LMX1A: variants seen among roughly 807,000 people sequenced by gnomAD.
LMX1A encodes LIM homeobox transcription factor 1-alpha.
In LMX1A, 15 loss-of-function variants were observed where a neutral mutation model predicts 49.1. The observed-to-expected ratio is 0.31, with a 90% CI of 0.20 to 0.47. The LOEUF (loss-of-function observed/expected upper bound fraction) is 0.47. LMX1A is among the 20% of genes least tolerant of loss of function. The pLI is 1.00. For synonymous variants in LMX1A, 167 were observed against 185.7 expected (o/e 0.90, Z 0.82); for missense variants, 372 against 475.8 (o/e 0.78, Z 2.03).
At chr1:165,231,413 C>T (rs1380753494) in intron 4 of LMX1A, among the ~76,000 whole-genome samples, 1 of 152,010 alleles carries the variant, frequency 6.6e-6, no homozygotes, top group Admixed American at 6.6e-5. Flanking sequence ...AACCATCCTA[C>T]AGCCTCAGCC....
At chr1:165,323,657 C>G (rs1571223017) in intron 3 of LMX1A, among the ~76,000 whole-genome samples, 1 of 152,242 alleles carries the variant, frequency 6.6e-6, no homozygotes, top group Non-Finnish European at 1.5e-5. Context: ...GATCTGAATC[C>G]AAATTTACCT....
chr1:165,277,842 T>G (rs1031373512), intron 3 of LMX1A, among the ~76,000 whole-genome samples: 1 of 152,210 alleles, frequency 6.6e-6, no homozygotes, highest in Admixed American at 6.5e-5. Flanking sequence ...GTCACATAAA[T>G]GAAGAAATAA....
intron 4 of LMX1A, among the ~76,000 whole-genome samples, chr1:165,226,830 T>C (rs1016918351): frequency 2.0e-5 from 3 of 152,240 alleles, no homozygotes; most frequent in African/African-American, 7.2e-5. Context: ...CAGGGATAAA[T>C]ATTTTTTAGT....
chr1:165,253,075 T>C (rs1653114122), intron 3 of LMX1A, among the ~76,000 whole-genome samples: 1 of 152,190 alleles, frequency 6.6e-6, no homozygotes, highest in East Asian at 1.9e-4. Context: ...TAAACAAGTA[T>C]ATACTGAGTG....
intron 4 of LMX1A, among the ~76,000 whole-genome samples, chr1:165,240,178 A>G (rs1293762584): frequency 6.6e-6 from 1 of 152,232 alleles, no homozygotes; most frequent in Non-Finnish European, 1.5e-5. Flanking sequence ...CTTATGATAA[A>G]AAATGTATTT....
At chr1:165,295,384 C>T (rs553591977) in intron 3 of LMX1A, among the ~76,000 whole-genome samples, 44 of 149,002 alleles carry the variant, frequency 3.0e-4, no homozygotes, top group African/African-American at 1.0e-3. Context: ...CCAAATTTGC[C>T]GTAATAAATA....
intron 3 of LMX1A, among the ~76,000 whole-genome samples, chr1:165,287,759 T>C (rs1654338518): frequency 6.6e-6 from 1 of 152,114 alleles, no homozygotes; most frequent in African/African-American, 2.4e-5. Context: ...GCTCTTGGCT[T>C]TGCTAAAAAA....
intron 4 of LMX1A, among the ~76,000 whole-genome samples, chr1:165,249,166 T>C (rs1340333128): frequency 1.3e-5 from 2 of 152,192 alleles, no homozygotes; most frequent in African/African-American, 2.4e-5. Context: ...GTGTGTGAAG[T>C]GTTTATGGTT....
At chr1:165,254,024 C>T (rs1051027535) in intron 3 of LMX1A, among the ~76,000 whole-genome samples, 4 of 152,292 alleles carry the variant, frequency 2.6e-5, no homozygotes, top group Admixed American at 2.6e-4. Context: ...CTAATCAATG[C>T]TTTTCCAGGA....
chr1:165,351,067 C>T (rs772377156), intron 3 of LMX1A, among the ~76,000 whole-genome samples: 7 of 152,216 alleles, frequency 4.6e-5, no homozygotes, highest in Non-Finnish European at 8.8e-5. Context: ...AAGTACTTTA[C>T]AACAACTGTT....
chr1:165,227,556 C>G (rs558500201), intron 4 of LMX1A, among the ~76,000 whole-genome samples: 1 of 151,912 alleles, frequency 6.6e-6, no homozygotes, highest in Admixed American at 6.6e-5. Context: ...TACATACGTA[C>G]ATACATACAT....
intron 3 of LMX1A, among the ~76,000 whole-genome samples, chr1:165,347,942 A>AGTT (rs1425338196): frequency 2.4e-5 from 3 of 127,366 alleles, no homozygotes; most frequent in East Asian, 5.1e-4. Context: ...TTAGAGAAAC[A>AGTT]GCTCCTGCTC....
chr1:165,204,073 C>T (rs1256115202), intron 8 of LMX1A, 33 bp from the exon 9 acceptor site: 1 of 1,609,646 alleles, frequency 6.2e-7, no homozygotes, highest in South Asian at 1.1e-5. Flanking sequence ...GCATGAGGGT[C>T]TTGAAGAAGT....
chr1:165,346,915 T>C (rs1252570508), intron 3 of LMX1A, among the ~76,000 whole-genome samples: 1 of 152,212 alleles, frequency 6.6e-6, no homozygotes, highest in Non-Finnish European at 1.5e-5. Context: ...AGACAGATAA[T>C]TGTGCTTTAC....
chr1:165,215,663 G>A (rs1216369445), intron 4 of LMX1A, among the ~76,000 whole-genome samples: 1 of 152,158 alleles, frequency 6.6e-6, no homozygotes, highest in Admixed American at 6.5e-5. Flanking sequence ...AAAGGATAAT[G>A]GCTTCTTCCT....
chr1:165,253,013 T>C (rs1447582453), intron 3 of LMX1A, among the ~76,000 whole-genome samples: 1 of 152,208 alleles, frequency 6.6e-6, no homozygotes, highest in African/African-American at 2.4e-5. Flanking sequence ...ACTCTGTGTC[T>C]TTATAGGGAG....
intron 4 of LMX1A, 107 bp downstream of exon 4, chr1:165,249,301 G>A: frequency 2.7e-6 from 2 of 736,650 alleles, no homozygotes; most frequent in Admixed American, 4.2e-5. Flanking sequence ...TTGCCATGGA[G>A]CTAGGCTGCC....
intron 8 of LMX1A, among the ~76,000 whole-genome samples, chr1:165,204,310 A>G (rs1248559686): frequency 2.6e-5 from 4 of 152,216 alleles, no homozygotes; most frequent in Admixed American, 6.5e-5. Flanking sequence ...TAGGCAGGAC[A>G]TGTCACCAGA....
chr1:165,228,172 A>G (rs536237417), intron 4 of LMX1A, among the ~76,000 whole-genome samples: 1 of 152,340 alleles, frequency 6.6e-6, no homozygotes, highest in East Asian at 1.9e-4. Context: ...ACAGTGACTG[A>G]TGGAGAAGTC....
Sources: allele counts gnomAD v4.1 joint callset (sites outside exome capture counted in the v4.1 genomes callset), GRCh38; gene constraint gnomAD v4.1.1; transcripts MANE v1.5; gene names NCBI Gene and HGNC (gene_info 2026-07-23, HGNC 2026-07-21).